Variants in TSPAN5 observed in about 807,000 individuals in gnomAD.
TSPAN5 encodes tetraspanin 5.
TSPAN5 carries 10 observed loss-of-function variants against 37.1 expected under a neutral mutation model. The observed-to-expected ratio is 0.27, with a 90% CI of 0.17 to 0.46. The LOEUF (loss-of-function observed/expected upper bound fraction) is 0.46. Ranked by LOEUF, TSPAN5 falls within the 20% of genes least tolerant of loss-of-function variation. The pLI is 1.00. For synonymous variants in TSPAN5, 110 were observed against 118.9 expected (o/e 0.93, Z 0.48); for missense variants, 195 against 326.6 (o/e 0.60, Z 3.11).
chr4:98,500,924 G>T (rs905086701), intron 2 of TSPAN5, among the ~76,000 whole-genome samples: 1 of 152,112 alleles, frequency 6.6e-6, no homozygotes, highest in Non-Finnish European at 1.5e-5. Context: ...GGCAGGGGCA[G>T]AATGGGAACA....
At chr4:98,568,878 G>C (rs1451143877) in intron 1 of TSPAN5, among the ~76,000 whole-genome samples, 1 of 152,210 alleles carries the variant, frequency 6.6e-6, no homozygotes, top group African/African-American at 2.4e-5. Context: ...GTGGAGGAAA[G>C]CAGATAGTCA....
At chr4:98,641,962 G>C (rs1756968774) in intron 1 of TSPAN5, among the ~76,000 whole-genome samples, 1 of 152,204 alleles carries the variant, frequency 6.6e-6, no homozygotes, top group African/African-American at 2.4e-5. Context: ...GTGTTGAACA[G>C]TGAGTAGTAA....
chr4:98,539,984 G>A (rs1324067029), intron 1 of TSPAN5, among the ~76,000 whole-genome samples: 1 of 152,140 alleles, frequency 6.6e-6, no homozygotes, highest in Non-Finnish European at 1.5e-5. Flanking sequence ...ACACTCACGT[G>A]AGTTTGAAAG....
At position 98,593,061 on chromosome 4, in the gene TSPAN5, A is replaced by C. The variant is rs1309022824; in HGVS notation, c.81+65085T>G. ...TAGTTTACAGTCCCACCAACAGTGTAAAAGTGTTCCTATTTCTCCACATCC... is the reference window on the plus strand; with the variant it reads ...TAGTTTACAGTCCCACCAACAGTGTCAAAGTGTTCCTATTTCTCCACATCC... On this transcript the variant is annotated intron_variant, in intron 1 of 7. Coordinates refer to ENST00000305798, the MANE Select transcript of TSPAN5 (RefSeq NM_005723.4). Among the ~76,000 whole-genome samples the C allele has an allele frequency of 3.6e-4, 25 of 69,500 alleles. No individual in the cohort carries two copies. In the East Asian group the frequency reaches 8.8e-3, roughly 24 times the overall value. The allele number at this position is 69,500 out of a possible 152,430, so 45.6% of individuals were successfully genotyped here.
intron 1 of TSPAN5, among the ~76,000 whole-genome samples, chr4:98,567,329 C>A (rs1212872833): frequency 6.6e-6 from 1 of 152,000 alleles, no homozygotes; most frequent in Non-Finnish European, 1.5e-5. Flanking sequence ...TTTTAACACA[C>A]ACAAAAAAAG....
intron 1 of TSPAN5, among the ~76,000 whole-genome samples, chr4:98,520,302 G>C (rs547792899): frequency 2.6e-5 from 4 of 152,276 alleles, no homozygotes; most frequent in African/African-American, 7.2e-5. Flanking sequence ...TCCGTTAAGT[G>C]AAAATTAAAA....
chr4:98,545,397 T>G (rs1213047047), intron 1 of TSPAN5, among the ~76,000 whole-genome samples: 1 of 152,250 alleles, frequency 6.6e-6, no homozygotes, highest in Non-Finnish European at 1.5e-5. Context: ...CCAGTTTGAT[T>G]GGGGTTTCTG....
intron 1 of TSPAN5, among the ~76,000 whole-genome samples, chr4:98,625,407 C>T (rs1756578098): frequency 6.6e-6 from 1 of 152,168 alleles, no homozygotes; most frequent in East Asian, 1.9e-4. Context: ...GGTTCCAAAG[C>T]CCATGAAACT....
chr4:98,534,005 T>A (rs180727697), intron 1 of TSPAN5, among the ~76,000 whole-genome samples: 90 of 144,420 alleles, frequency 6.2e-4, no homozygotes, highest in African/African-American at 2.2e-3. Flanking sequence ...GTTTTTCGTG[T>A]CTCTATCTCC....
rs547645098 is a variant in TSPAN5, at chr4:98,572,352, G to A, written c.82-64624C>T. Among the ~76,000 whole-genome samples the A allele has an allele frequency of 4.6e-5, 7 of 152,230 alleles. No individual in the cohort carries two copies. The East Asian group carries it at 1.2e-3, about 25-fold the overall frequency. On this transcript the variant is annotated intron_variant, in intron 1 of 7. Coordinates refer to ENST00000305798, the MANE Select transcript of TSPAN5 (RefSeq NM_005723.4). ...TCTACAAACAGGGAGAACAAAGCCT[G>A]GACAGTGACACAGTTGTGAAGATTA...
At chr4:98,609,604 G>A (rs140126852) in intron 1 of TSPAN5, among the ~76,000 whole-genome samples, 15 of 152,298 alleles carry the variant, frequency 9.8e-5, no homozygotes, top group South Asian at 2.1e-4. Context: ...CCAGCCTCTC[G>A]TGTCCAGGTG....
chr4:98,567,979 GGATCT>G (rs1755044990), intron 1 of TSPAN5, among the ~76,000 whole-genome samples: 1 of 152,070 alleles, frequency 6.6e-6, no homozygotes, highest in African/African-American at 2.4e-5. Context: ...GATGACAACA[GGATCT>G]ACTTGAAAGG....
chr4:98,575,521 TTC>T (rs34038023), intron 1 of TSPAN5, among the ~76,000 whole-genome samples: 33,516 of 151,842 alleles, frequency 0.22, 5,074 homozygotes, highest in African/African-American at 0.42. Context: ...GCTGATTCCC[TTC>T]TCTCTTTCTG....
In TSPAN5 at chr4:98,603,999, C is replaced by G. The variant is rs183135313; in HGVS notation, c.81+54147G>C. Among the ~76,000 whole-genome samples, 8 of 152,200 alleles carry G rather than the reference C, an allele frequency of 5.3e-5. No individual in the cohort carries two copies. In the East Asian group the frequency reaches 1.2e-3, roughly 22 times the overall value. On this transcript the variant is annotated intron_variant, in intron 1 of 7. Transcript: ENST00000305798. ...AATTACTTTGGTCATTTTGAACGACCGCTCTATTGGACTGCCATTTCCTTT... is the reference window on the plus strand; with the variant it reads ...AATTACTTTGGTCATTTTGAACGACGGCTCTATTGGACTGCCATTTCCTTT...
intron 1 of TSPAN5, among the ~76,000 whole-genome samples, 181 bp downstream of exon 1, chr4:98,657,965 G>A (rs1223526626): frequency 6.6e-6 from 1 of 152,102 alleles, no homozygotes; most frequent in African/African-American, 2.4e-5. Context: ...CCCATTCCTC[G>A]AAAGGATTAA....
chr4:98,482,198 A>G, intron 3 of TSPAN5, 23 bp from the exon 4 acceptor site: 1 of 1,611,256 alleles, frequency 6.2e-7, no homozygotes, highest in South Asian at 1.1e-5. Context: ...ACACATACAC[A>G]GAGAACAGTT....
chr4:98,529,346 G>A (rs975303810), intron 1 of TSPAN5, among the ~76,000 whole-genome samples: 1 of 152,216 alleles, frequency 6.6e-6, no homozygotes, highest in African/African-American at 2.4e-5. Context: ...GGTGTAGCAA[G>A]CCTGATTTGA....
chr4:98,529,995 A>C (rs1256888261), intron 1 of TSPAN5, among the ~76,000 whole-genome samples: 6 of 152,244 alleles, frequency 3.9e-5, no homozygotes, highest in African/African-American at 1.4e-4. Context: ...AGAAAGCTAG[A>C]CCACAGTTTC....
At chr4:98,560,630 T>C (rs1486735816) in intron 1 of TSPAN5, among the ~76,000 whole-genome samples, 4 of 152,210 alleles carry the variant, frequency 2.6e-5, no homozygotes, top group African/African-American at 7.2e-5. Flanking sequence ...GGATAATCCT[T>C]GAAGACAAGT....
Sources: allele counts gnomAD v4.1 joint callset (sites outside exome capture counted in the v4.1 genomes callset), GRCh38; gene constraint gnomAD v4.1.1; transcripts MANE v1.5; gene names NCBI Gene and HGNC (gene_info 2026-07-23, HGNC 2026-07-21).